FBXL13: variants seen among roughly 807,000 people sequenced by gnomAD.
FBXL13 encodes the protein F-box and leucine rich repeat protein 13, also known as F-box and leucine-rich repeat protein 13.
A neutral mutation model predicts 83.6 loss-of-function variants in FBXL13; 67 were observed. The ratio of observed to expected loss-of-function variants is 0.80; its 90% CI spans 0.66 to 0.98. FBXL13 has a LOEUF of 0.98. FBXL13 is among the 50% of genes least tolerant of loss of function. The probability of loss-of-function intolerance (pLI) is 0.00; values close to 1 mark genes in which losing one functional copy is unlikely to be tolerated. For missense variants in FBXL13, 822 were observed against 866.5 expected, an observed-to-expected ratio of 0.95 and a Z score of 0.64; for synonymous variants, 272 against 299.5, an observed-to-expected ratio of 0.91 and a Z score of 0.95.
intron 16 of FBXL13, among the ~76,000 whole-genome samples, chr7:102,864,774 G>A (rs1270679326): frequency 1.3e-5 from 2 of 152,180 alleles, no homozygotes; most frequent in African/African-American, 4.8e-5. Context: ...TCACTAAGAT[G>A]CATATAGTGC....
At chr7:103,025,269 G>A (rs751971430) in intron 5 of FBXL13, 39 bp from the exon 7 acceptor site, 11 of 1,380,312 alleles carry the variant, frequency 8.0e-6, no homozygotes, top group Non-Finnish European at 9.0e-6. Context: ...TGGAATTGCT[G>A]TAACGGTCAA....
intron 1 of FBXL13, among the ~76,000 whole-genome samples, chr7:103,060,021 T>TATAC (rs1797711360): frequency 1.3e-4 from 1 of 7,812 alleles, no homozygotes; most frequent in Non-Finnish European, 2.7e-4. Context: ...CAAGATATTT[T>TATAC]ATATATATAT....
At chr7:102,991,876 T>C (rs1291960361) in intron 6 of FBXL13, among the ~76,000 whole-genome samples, 3 of 152,112 alleles carry the variant, frequency 2.0e-5, no homozygotes, top group African/African-American at 7.2e-5. Flanking sequence ...GTCATGCCTG[T>C]AAGATCAATA....
chr7:102,948,768 G>A (rs1822948544), intron 8 of FBXL13, among the ~76,000 whole-genome samples: 1 of 151,526 alleles, frequency 6.6e-6, no homozygotes, highest in Non-Finnish European at 1.5e-5. Context: ...CTGAAGTGCA[G>A]TGGCATGATC....
At chr7:102,996,362 A>G (rs992025016) in intron 6 of FBXL13, among the ~76,000 whole-genome samples, 1 of 152,218 alleles carries the variant, frequency 6.6e-6, no homozygotes, top group Non-Finnish European at 1.5e-5. Context: ...GCATTAGACC[A>G]GAGTTCATTT....
At chr7:102,889,798 C>T (rs1811293461) in intron 11 of FBXL13, among the ~76,000 whole-genome samples, 2 of 152,148 alleles carry the variant, frequency 1.3e-5, no homozygotes, top group African/African-American at 4.8e-5. Flanking sequence ...GACCTTAGTT[C>T]ATAACCCTAA....
chr7:102,955,344 C>T (rs762448522), intron 8 of FBXL13, among the ~76,000 whole-genome samples: 1 of 151,928 alleles, frequency 6.6e-6, no homozygotes, highest in Non-Finnish European at 1.5e-5. Flanking sequence ...TTGAAGCCAA[C>T]GAGAACAAAG....
chr7:102,840,341 CT>C (rs1802706388), intron 17 of FBXL13, among the ~76,000 whole-genome samples: 1 of 152,188 alleles, frequency 6.6e-6, no homozygotes, highest in Non-Finnish European at 1.5e-5. Context: ...TTCTTGTTGC[CT>C]GTGGCATAAC....
chr7:102,915,493 A>T (rs2129469471), intron 10 of FBXL13, among the ~76,000 whole-genome samples: 1 of 132,044 alleles, frequency 7.6e-6, no homozygotes, highest in East Asian at 2.1e-4. Context: ...TTGAATGTAT[A>T]CCTCGATCTA....
intron 6 of FBXL13, among the ~76,000 whole-genome samples, chr7:103,012,551 C>A (rs1791764783): frequency 6.6e-6 from 1 of 152,122 alleles, no homozygotes; most frequent in Non-Finnish European, 1.5e-5. Flanking sequence ...TCATATGCAG[C>A]CAAGTTGTTT....
chr7:102,976,617 C>T (rs1395408281), intron 6 of FBXL13, among the ~76,000 whole-genome samples: 1 of 152,034 alleles, frequency 6.6e-6, no homozygotes, highest in Non-Finnish European at 1.5e-5. Context: ...GGGGTAATTC[C>T]ACACCCTCAG....
intron 11 of FBXL13, among the ~76,000 whole-genome samples, chr7:102,906,951 G>T (rs117590390): frequency 0.02 from 2,949 of 151,182 alleles, 123 homozygotes; most frequent in East Asian, 0.16. Flanking sequence ...GTTTGATTGG[G>T]TTTTTTTTGT....
At chr7:102,863,371 G>A (rs1285528088) in intron 16 of FBXL13, among the ~76,000 whole-genome samples, 2 of 152,164 alleles carry the variant, frequency 1.3e-5, no homozygotes, top group African/African-American at 2.4e-5. Flanking sequence ...CCAGGATGTA[G>A]TTACTGGGGG....
At chr7:102,842,826 A>T (rs1803198807) in intron 17 of FBXL13, among the ~76,000 whole-genome samples, 1 of 152,250 alleles carries the variant, frequency 6.6e-6, no homozygotes. Context: ...TACAAGACTC[A>T]GAACTCTGAA....
chr7:102,897,844 G>A (rs181093624), intron 11 of FBXL13, among the ~76,000 whole-genome samples: 3 of 152,252 alleles, frequency 2.0e-5, no homozygotes, highest in Admixed American at 2.0e-4. Context: ...CTGTGGAAGT[G>A]AATATAAGAT....
At chr7:103,002,217 AT>A (rs1045267162) in intron 6 of FBXL13, among the ~76,000 whole-genome samples, 5 of 152,192 alleles carry the variant, frequency 3.3e-5, no homozygotes, top group Non-Finnish European at 7.3e-5. Flanking sequence ...TACAAAAAAA[AT>A]CTTATAGAAA....
intron 1 of FBXL13, among the ~76,000 whole-genome samples, chr7:103,064,203 T>C (rs1798179607): frequency 6.6e-6 from 1 of 152,200 alleles, no homozygotes; most frequent in African/African-American, 2.4e-5. Flanking sequence ...GGATTACATA[T>C]TGCCCTCCCC....
At chr7:103,017,047 C>CCTA (rs1249580811) in intron 6 of FBXL13, among the ~76,000 whole-genome samples, 24 of 152,360 alleles carry the variant, frequency 1.6e-4, no homozygotes, top group African/African-American at 5.5e-4. Flanking sequence ...TCCCTGACCT[C>CCTA]CGAGTAGCCT....
chr7:102,855,758 G>A (rs950988813), intron 16 of FBXL13, among the ~76,000 whole-genome samples: 13 of 151,528 alleles, frequency 8.6e-5, no homozygotes, highest in Non-Finnish European at 1.9e-4. Flanking sequence ...TGCAGGATTG[G>A]TTTATATTTT....
Sources: gnomAD v4.1 joint callset for allele counts (sites outside exome capture counted in the v4.1 genomes callset) on GRCh38, gnomAD v4.1.1 for gene constraint, MANE v1.5 for transcripts, NCBI Gene and HGNC (gene_info 2026-07-23, HGNC 2026-07-21) for gene names.